The following CCSER1 variants were observed in gnomAD, a reference collection of about 807,000 sequenced individuals.
CCSER1 encodes coiled-coil serine rich protein 1.
A neutral mutation model predicts 82.0 loss-of-function variants in CCSER1; 41 were observed. The observed-to-expected ratio is 0.50, with a 90% CI of 0.39 to 0.65. The LOEUF is 0.65. Among genes scored for constraint, CCSER1 ranks in the 30% least tolerant of loss-of-function variants. CCSER1 has a pLI of 0.00. For missense variants in CCSER1, 1,119 were observed against 1,064.2 expected, an observed-to-expected ratio of 1.05 and a Z score of -0.72; for synonymous variants, 414 against 383.9, an observed-to-expected ratio of 1.08 and a Z score of -0.92.
intron 6 of CCSER1, among the ~76,000 whole-genome samples, chr4:90,659,580 T>A (rs1730376881): frequency 2.0e-5 from 3 of 152,084 alleles, no homozygotes; most frequent in African/African-American, 7.2e-5. Context: ...AAAGTTATTA[T>A]TATAACATTT....
At chr4:90,218,085 G>A (rs914112556) in intron 1 of CCSER1, among the ~76,000 whole-genome samples, 7 of 152,102 alleles carry the variant, frequency 4.6e-5, no homozygotes, top group African/African-American at 1.7e-4. Context: ...ACAGGCATGG[G>A]TCCCCATACC....
At chr4:90,612,637 G>A (rs993220917) in intron 5 of CCSER1, among the ~76,000 whole-genome samples, 19 of 152,088 alleles carry the variant, frequency 1.2e-4, no homozygotes, top group Non-Finnish European at 2.2e-4. Context: ...AATAGCTTAT[G>A]TATTTTTGCT....
At chr4:91,452,616 A>T (rs529515055) in intron 10 of CCSER1, among the ~76,000 whole-genome samples, 4 of 152,068 alleles carry the variant, frequency 2.6e-5, no homozygotes, top group African/African-American at 4.8e-5. Context: ...TTGTCTTCCA[A>T]ATGTGCTGAG....
intron 10 of CCSER1, among the ~76,000 whole-genome samples, chr4:91,533,120 A>G (rs1159186942): frequency 6.6e-6 from 1 of 152,166 alleles, no homozygotes; most frequent in Non-Finnish European, 1.5e-5. Context: ...GCAATAAGTT[A>G]TTATTTAGAT....
At chr4:91,437,329 G>A (rs1473343269) in intron 10 of CCSER1, among the ~76,000 whole-genome samples, 2 of 152,178 alleles carry the variant, frequency 1.3e-5, no homozygotes, top group African/African-American at 4.8e-5. Flanking sequence ...ACTGTTGTGG[G>A]AGGAAAACAT....
intron 9 of CCSER1, among the ~76,000 whole-genome samples, chr4:91,081,845 C>G (rs534385564): frequency 6.6e-6 from 1 of 152,100 alleles, no homozygotes. Flanking sequence ...ACCTAGGAAT[C>G]CAACTTACAA....
At chr4:90,714,152 T>A (rs1228448169) in intron 6 of CCSER1, among the ~76,000 whole-genome samples, 1 of 152,036 alleles carries the variant, frequency 6.6e-6, no homozygotes, top group Non-Finnish European at 1.5e-5. Context: ...TCCTTTCAAA[T>A]CTTTAAATAT....
intron 4 of CCSER1, among the ~76,000 whole-genome samples, chr4:90,407,741 A>G (rs1046092302): frequency 6.6e-6 from 1 of 152,052 alleles, no homozygotes; most frequent in Non-Finnish European, 1.5e-5. Context: ...TGCATTTCCA[A>G]CTGAGGTACT....
At chr4:91,297,504 A>G (rs1408220151) in intron 10 of CCSER1, among the ~76,000 whole-genome samples, 12 of 151,582 alleles carry the variant, frequency 7.9e-5, no homozygotes, top group African/African-American at 2.4e-5. Flanking sequence ...TATATGAAGT[A>G]AAAGATTTAG....
At chr4:90,376,201 A>C (rs1748284813) in intron 3 of CCSER1, among the ~76,000 whole-genome samples, 1 of 152,160 alleles carries the variant, frequency 6.6e-6, no homozygotes, top group Non-Finnish European at 1.5e-5. Context: ...GCCTGTGGTT[A>C]CTCAGGGGAT....
chr4:90,234,102 C>G (rs763821870), intron 1 of CCSER1, among the ~76,000 whole-genome samples: 1 of 151,772 alleles, frequency 6.6e-6, no homozygotes, highest in Non-Finnish European at 1.5e-5. Context: ...TATTAGGCAG[C>G]CTTTGTATTT....
chr4:90,443,780 A>G (rs774137348), intron 4 of CCSER1, among the ~76,000 whole-genome samples: 59 of 152,216 alleles, frequency 3.9e-4, no homozygotes, highest in Middle Eastern at 3.4e-3. Context: ...TCAAAACCAA[A>G]TATACTAGAT....
At chr4:90,838,795 A>G in intron 8 of CCSER1, 2 of 1,422,614 alleles carry the variant, frequency 1.4e-6, no homozygotes, top group Non-Finnish European at 2.0e-6. Context: ...CAGTCATTTA[A>G]ACTTGATCCA....
At chr4:91,150,819 C>A (rs1730103393) in intron 10 of CCSER1, among the ~76,000 whole-genome samples, 1 of 152,136 alleles carries the variant, frequency 6.6e-6, no homozygotes, top group Non-Finnish European at 1.5e-5. Context: ...AGAGATGAAG[C>A]CCACTTGATC....
intron 8 of CCSER1, among the ~76,000 whole-genome samples, chr4:90,896,082 A>T (rs1464152135): frequency 6.6e-6 from 1 of 151,966 alleles, no homozygotes; most frequent in African/African-American, 2.4e-5. Flanking sequence ...TCTAAAAGTT[A>T]TTTAGGAAAA....
chr4:91,066,263 T>C lies in CCSER1; in HGVS notation c.2173-19687T>C, dbSNP rs533000328. Reference sequence around the variant, plus strand: ...GTTTTGAAACAAAGGTTGCATACTTTCCTTGTTAAAATCCAAGCCATTCTC... The same window carrying C: ...GTTTTGAAACAAAGGTTGCATACTTCCCTTGTTAAAATCCAAGCCATTCTC... On this transcript the variant is annotated intron_variant, in intron 9 of 10. Transcript: ENST00000509176. 2.0e-5 allele frequency among the ~76,000 whole-genome samples: 3 copies of C among 152,326 alleles called. No individual in the cohort carries two copies. In the South Asian group the frequency reaches 6.2e-4, roughly 32 times the overall value.
At chr4:90,632,414 C>T (rs984127675) in intron 6 of CCSER1, among the ~76,000 whole-genome samples, 3 of 151,904 alleles carry the variant, frequency 2.0e-5, no homozygotes, top group Admixed American at 1.3e-4. Context: ...ACCATAACAA[C>T]ATAAATCATA....
chr4:91,586,595 A>G (rs899208025), intron 10 of CCSER1, among the ~76,000 whole-genome samples: 1 of 151,824 alleles, frequency 6.6e-6, no homozygotes, highest in African/African-American at 2.4e-5. Flanking sequence ...ACTGACAAGT[A>G]TCCATTTTAC....
intron 10 of CCSER1, among the ~76,000 whole-genome samples, chr4:91,295,923 C>T (rs1467712105): frequency 1.3e-5 from 2 of 151,774 alleles, no homozygotes; most frequent in Non-Finnish European, 2.9e-5. Flanking sequence ...CAAATTAAAA[C>T]AAAAAATCTT....
Sources: allele counts gnomAD v4.1 joint callset (sites outside exome capture counted in the v4.1 genomes callset), GRCh38; gene constraint gnomAD v4.1.1; transcripts MANE v1.5; gene names NCBI Gene and HGNC (gene_info 2026-07-23, HGNC 2026-07-21).